GALNT17: variants seen among roughly 807,000 people sequenced by gnomAD.
GALNT17 encodes the protein polypeptide N-acetylgalactosaminyltransferase 17, also known as UDP-GalNAc:polypeptide N-acetylgalactosaminyltransferase-like 3.
GALNT17 carries 29 observed loss-of-function variants against 63.7 expected under a neutral mutation model. The observed-to-expected ratio is 0.46, with a 90% CI of 0.34 to 0.62. GALNT17 has a LOEUF of 0.62. Ranked by LOEUF, GALNT17 falls within the 20% of genes least tolerant of loss-of-function variation. GALNT17 has a pLI of 0.01. For synonymous variants in GALNT17, 305 were observed against 318.3 expected (o/e 0.96, Z 0.45); for missense variants, 603 against 799.6 (o/e 0.75, Z 2.97).
At chr7:71,443,231 C>T (rs139933488) in intron 5 of GALNT17, among the ~76,000 whole-genome samples, 1 of 152,162 alleles carries the variant, frequency 6.6e-6, no homozygotes, top group Non-Finnish European at 1.5e-5. Flanking sequence ...AGTTCTTTGC[C>T]TCCTGCCCCA....
intron 6 of GALNT17, among the ~76,000 whole-genome samples, chr7:71,573,049 G>T (rs369297487): frequency 1.3e-5 from 2 of 151,552 alleles, no homozygotes; most frequent in African/African-American, 4.9e-5. Context: ...TTGCTTTGTT[G>T]CCCAGGCTGG....
At chr7:71,431,508 C>T (rs934037294) in intron 5 of GALNT17, among the ~76,000 whole-genome samples, 1 of 152,046 alleles carries the variant, frequency 6.6e-6, no homozygotes, top group African/African-American at 2.4e-5. Flanking sequence ...CCGTACCTGG[C>T]CAAGATGAAT....
chr7:71,553,625 T>C (rs182450133), intron 5 of GALNT17, among the ~76,000 whole-genome samples: 10 of 152,346 alleles, frequency 6.6e-5, no homozygotes, highest in African/African-American at 2.2e-4. Context: ...ATTTAAAACC[T>C]GTAACACAAT....
intron 7 of GALNT17, among the ~76,000 whole-genome samples, chr7:71,667,413 T>A (rs1293870146): frequency 6.6e-6 from 1 of 152,196 alleles, no homozygotes; most frequent in Non-Finnish European, 1.5e-5. Context: ...ACTTACTATG[T>A]CCCAGGTACC....
intron 4 of GALNT17, among the ~76,000 whole-genome samples, 175 bp from the exon 5 acceptor site, chr7:71,420,733 G>A (rs1786647683): frequency 6.6e-6 from 1 of 152,216 alleles, no homozygotes; most frequent in African/African-American, 2.4e-5. Flanking sequence ...CAGCCCAGGA[G>A]TGAAGCTGCA....
At chr7:71,610,054 A>G (rs1790102149) in intron 6 of GALNT17, among the ~76,000 whole-genome samples, 1 of 152,182 alleles carries the variant, frequency 6.6e-6, no homozygotes, top group Admixed American at 6.5e-5. Flanking sequence ...AAATTGATCT[A>G]CTAAGCTGCA....
At chr7:71,507,059 A>G (rs964404999) in intron 5 of GALNT17, among the ~76,000 whole-genome samples, 2 of 152,094 alleles carry the variant, frequency 1.3e-5, no homozygotes, top group Non-Finnish European at 2.9e-5. Context: ...ACATAGTGAG[A>G]CCCCATATTT....
At chr7:71,612,347 G>T (rs1428973388) in intron 6 of GALNT17, among the ~76,000 whole-genome samples, 2 of 152,154 alleles carry the variant, frequency 1.3e-5, no homozygotes, top group African/African-American at 4.8e-5. Flanking sequence ...TATGGAAATA[G>T]ACCTTTAGAC....
chr7:71,663,831 A>C (rs1790943360), intron 6 of GALNT17, among the ~76,000 whole-genome samples: 1 of 152,162 alleles, frequency 6.6e-6, no homozygotes, highest in African/African-American at 2.4e-5. Context: ...GGGAGACTAA[A>C]GGTGGAATGG....
intron 1 of GALNT17, among the ~76,000 whole-genome samples, chr7:71,230,331 A>G (rs1484178005): frequency 2.0e-5 from 3 of 152,188 alleles, no homozygotes; most frequent in Non-Finnish European, 4.4e-5. Flanking sequence ...AGGAGCTGCC[A>G]TTGCATGGAG....
At chr7:71,356,980 C>T (rs1792298591) in intron 2 of GALNT17, among the ~76,000 whole-genome samples, 1 of 151,900 alleles carries the variant, frequency 6.6e-6, no homozygotes, top group African/African-American at 2.4e-5. Flanking sequence ...CAGGGTTTCA[C>T]CACGTTGGTC....
intron 7 of GALNT17, among the ~76,000 whole-genome samples, chr7:71,665,842 A>G (rs1790977035): frequency 6.6e-6 from 1 of 152,226 alleles, no homozygotes; most frequent in Admixed American, 6.5e-5. Context: ...TGTTAATCCC[A>G]GTCTTATTAT....
intron 3 of GALNT17, among the ~76,000 whole-genome samples, chr7:71,401,752 C>A (rs771999478): frequency 6.6e-6 from 1 of 152,178 alleles, no homozygotes; most frequent in Non-Finnish European, 1.5e-5. Context: ...TGTGTCCCAG[C>A]ACCCCCAGAT....
In GALNT17 at chr7:71,591,359, C is replaced by G. The variant is rs553853422; in HGVS notation, c.1080+19957C>G. Among the ~76,000 whole-genome samples, 70 of 152,070 alleles carry G rather than the reference C, an allele frequency of 4.6e-4. 1 individual carries two copies. The highest frequency in any genetic ancestry group is 3.4e-3 in the Middle Eastern group (1 of 294). On this transcript the variant is annotated intron_variant, in intron 6 of 10. Coordinates refer to ENST00000333538, the MANE Select transcript of GALNT17 (RefSeq NM_022479.3). ...GCGTGAGCCACCACCACGCCTGGCT[C>G]TAGGCCTGTTGAATATCAAATCACA...
intron 9 of GALNT17, among the ~76,000 whole-genome samples, chr7:71,678,501 AAC>A (rs1791185306): frequency 6.6e-6 from 1 of 150,992 alleles, no homozygotes; most frequent in South Asian, 2.1e-4. Context: ...AACATGGCAA[AAC>A]CCCGTCTCTG....
At chr7:71,531,453 A>G (rs1031620890) in intron 5 of GALNT17, among the ~76,000 whole-genome samples, 1 of 152,212 alleles carries the variant, frequency 6.6e-6, no homozygotes, top group African/African-American at 2.4e-5. Context: ...GCTAGATGAT[A>G]ATTCAGCAGC....
intron 1 of GALNT17, among the ~76,000 whole-genome samples, chr7:71,321,371 C>T (rs190504634): frequency 2.8e-4 from 43 of 152,228 alleles, no homozygotes; most frequent in African/African-American, 9.4e-4. Context: ...AGAGACTGTC[C>T]AAGACAGACA....
chr7:71,404,453 G>C (rs1484225946), intron 3 of GALNT17, among the ~76,000 whole-genome samples: 1 of 152,082 alleles, frequency 6.6e-6, no homozygotes, highest in African/African-American at 2.4e-5. Flanking sequence ...CATTCTTCCT[G>C]AAGTTTCTCA....
intron 1 of GALNT17, among the ~76,000 whole-genome samples, chr7:71,231,580 C>T (rs1017466444): frequency 6.6e-6 from 1 of 151,998 alleles, no homozygotes; most frequent in African/African-American, 2.4e-5. Context: ...GCTGAAAAGA[C>T]AAAGATCAGG....
Sources: allele counts gnomAD v4.1 joint callset (sites outside exome capture counted in the v4.1 genomes callset), GRCh38; gene constraint gnomAD v4.1.1; transcripts MANE v1.5; gene names NCBI Gene and HGNC (gene_info 2026-07-23, HGNC 2026-07-21).